The following GPR27 variants were observed in gnomAD, a reference collection of about 807,000 sequenced individuals.
GPR27 encodes G protein-coupled receptor 27.
GPR27 carries 3 observed loss-of-function variants against 2.4 expected under a neutral mutation model. The observed-to-expected ratio is 1.23, with a 90% CI of 0.56 to 3.18. The LOEUF (loss-of-function observed/expected upper bound fraction) is 3.18, where lower values mean the gene tolerates loss of function less well. GPR27 is among the 30% of genes most tolerant of loss of function. The pLI, the probability that GPR27 is intolerant of heterozygous loss-of-function variation, is 0.03. For synonymous variants in GPR27, 367 were observed against 296.4 expected (o/e 1.24, Z -2.45); for missense variants, 526 against 566.1 (o/e 0.93, Z 0.72).
In GPR27 at chr3:71,755,276, C is replaced by A. The variant is rs1005601724; in HGVS notation, c.*99C>A. The A allele has an allele frequency of 7.8e-6, 8 of 1,024,266 alleles. No homozygotes were observed. The Admixed American group carries it at 1.8e-4, about 24-fold the overall frequency. 63.4% of individuals were successfully genotyped at this position (1,024,266 alleles called of 1,614,324 possible). A position where few individuals can be genotyped will look rare whatever the true frequency, so the allele number is the denominator to read the frequency against. The stretch of plus-strand genomic sequence containing the variant: ...TCTGGCCCCTGTTTAATTTTCTAAG[C>A]TGCCTTCAAAATGACTCGAAGTGGA... On this transcript the variant is annotated 3_prime_UTR_variant, in exon 1 of 1. Transcript: ENST00000304411.
chr3:71,754,745 G>C lies in GPR27; in HGVS notation c.696G>C (p.Pro232=). 2.2e-6 allele frequency: 3 copies of C among 1,385,552 alleles called. No individual in the cohort carries two copies. The highest frequency in any genetic ancestry group is 2.8e-6 in the Non-Finnish European group (3 of 1,062,522). 85.8% of individuals were successfully genotyped at this position (1,385,552 alleles called of 1,614,324 possible). The change falls in exon 1 of 1, where the codon CCG becomes CCC. Residue 232 remains proline (P), a synonymous_variant. Transcript: ENST00000304411. This position sits in a 1 kb window ranked among gnomAD's most constrained non-coding sequence, Gnocchi z 5.8. ...AVSHDWTFHG[P]GATGQAAANW... The stretch of plus-strand genomic sequence containing the variant: ...GCCACGACTGGACCTTCCACGGCCC[G>C]GGCGCCACCGGCCAGGCGGCCGCCA...
rs760830519 is a variant in GPR27 at position 71,755,389 on chromosome 3, T to G, written c.*212T>G. The G allele has an allele frequency of 1.8e-5, 10 of 562,780 alleles. No homozygotes were observed. The highest frequency in any genetic ancestry group is 3.1e-5 in the Non-Finnish European group (10 of 318,002). 34.9% of individuals were successfully genotyped at this position (562,780 alleles called of 1,614,324 possible). On this transcript the variant is annotated 3_prime_UTR_variant, in exon 1 of 1. Transcript: ENST00000304411. ...CCACTCCAGCTCCGCACATTCGTCC[T>G]CCTAACTCGACTTTCTTCCTGACAA...
At position 71,754,485 on chromosome 3, in the gene GPR27, G is replaced by GCC; in HGVS notation, c.437_438dup (p.Ala147ProfsTer175). On this transcript the variant is annotated frameshift_variant, in exon 1 of 1. Coordinates refer to ENST00000304411, the MANE Select transcript of GPR27 (RefSeq NM_018971.3). LOFTEE classifies it low-confidence loss of function (END_TRUNC). The surrounding 1 kb of genome is among the most constrained non-coding windows in gnomAD (Gnocchi z 5.8). ...GCCGTGCGCCGCCATGCTGGTGTGC[G>GCC]CCGCCTGGGCGCTGGCGCTGGCCGC... is the stretch of plus-strand genomic sequence containing the variant. 7.7e-7 allele frequency: 1 copy of GCC among 1,297,704 alleles called. No individual in the cohort carries two copies. Among genetic ancestry groups the GCC allele is most frequent in the Non-Finnish European group, 9.8e-7 (1 of 1,022,496 alleles). The allele number at this position is 1,297,704 out of a possible 1,614,324, so 80.4% of individuals were successfully genotyped here.
Position 71,754,187 on chromosome 3 carries a change from G to C in GPR27, c.138G>C (p.Glu46Asp). Residue 46 changes from glutamate (E) to aspartate (D), a missense_variant, in exon 1 of 1, where the codon GAG becomes GAC. Glu to Asp is a conservative substitution (Grantham distance 45, BLOSUM62 2). This residue lies in a region of GPR27 where 312 missense variants were observed against 318.4 expected (regional missense o/e 0.98). Coordinates refer to ENST00000304411, the MANE Select transcript of GPR27 (RefSeq NM_018971.3). This position sits in a 1 kb window ranked among gnomAD's most constrained non-coding sequence, Gnocchi z 5.8. ...TGTTCGCGCTGCTGATCGTGCGGGA[G>C]CGCAGCCTGCACCGCGCCCCGTACT... is the stretch of plus-strand genomic sequence containing the variant. ...NVLFALLIVR[E>D]RSLHRAPYYL... The C allele has an allele frequency of 2.8e-6, 4 of 1,435,552 alleles. No individual in the cohort carries two copies. Among genetic ancestry groups the C allele is most frequent in the Admixed American group, 2.1e-5 (1 of 48,646 alleles). The allele number at this position is 1,435,552 out of a possible 1,614,324, so 88.9% of individuals were successfully genotyped here.
rs1232104050 is a variant in GPR27, at chr3:71,754,851, C to T, written c.802C>T (p.Arg268Cys). The T allele has an allele frequency of 1.3e-6, 2 of 1,594,874 alleles. No homozygotes were observed. Among genetic ancestry groups the T allele is most frequent in the Non-Finnish European group, 1.7e-6 (2 of 1,171,094 alleles). The change falls in exon 1 of 1, where the codon CGC becomes TGC. Residue 268 changes from arginine (R) to cysteine (C), a missense_variant. Transcript: ENST00000304411. This position sits in a 1 kb window ranked among gnomAD's most constrained non-coding sequence, Gnocchi z 5.8. ...GCCCGCAGGGCCGGGCCGCGGCGCGCGCCGCCTCCTCGTGCTGGAAGAATT... is the reference window on the plus strand; with the variant it reads ...GCCCGCAGGGCCGGGCCGCGGCGCGTGCCGCCTCCTCGTGCTGGAAGAATT... ...IRPAGPGRGA[R>C]RLLVLEEFKT...
rs1474737054 is a variant in GPR27 at position 71,754,499 on chromosome 3, G to A, written c.450G>A (p.Leu150=). Residue 150 remains leucine, a synonymous_variant, in exon 1 of 1, where the codon CTG becomes CTA. Transcript: ENST00000304411. The surrounding 1 kb of genome is among the most constrained non-coding windows in gnomAD (Gnocchi z 5.8). The stretch of plus-strand genomic sequence containing the variant: ...TGCTGGTGTGCGCCGCCTGGGCGCT[G>A]GCGCTGGCCGCGGCCTTCCCGCCAG... ...AAMLVCAAWA[L]ALAAAFPPVL... 1 of 1,287,494 alleles carries A rather than the reference G, an allele frequency of 7.8e-7. No individual in the cohort carries two copies. Among genetic ancestry groups the A allele is most frequent in the East Asian group, 3.3e-5 (1 of 30,232 alleles). 79.8% of individuals were successfully genotyped at this position (1,287,494 alleles called of 1,614,324 possible).
rs2049991886 is a variant in GPR27, at chr3:71,755,330, G to A, written c.*153G>A. ...ACACTTGGATTGTACTGACTCCTTT[G>A]GGGGTGGGGTGGGTGAGGAGTAGGA... On this transcript the variant is annotated 3_prime_UTR_variant, in exon 1 of 1. Coordinates refer to ENST00000304411, the MANE Select transcript of GPR27 (RefSeq NM_018971.3). The A allele has an allele frequency of 8.8e-6, 6 of 680,374 alleles. No individual in the cohort carries two copies. The highest frequency in any genetic ancestry group is 9.7e-6 in the Non-Finnish European group (4 of 411,006). The allele number at this position is 680,374 out of a possible 1,614,324, so 42.1% of individuals were successfully genotyped here.
Position 71,754,197 on chromosome 3 carries a change from C to T in GPR27, c.148C>T (p.His50Tyr). The T allele has an allele frequency of 1.4e-6, 2 of 1,415,474 alleles. No homozygotes were observed. Among genetic ancestry groups the T allele is most frequent in the Non-Finnish European group, 1.9e-6 (2 of 1,069,862 alleles). The allele number at this position is 1,415,474 out of a possible 1,614,324, so 87.7% of individuals were successfully genotyped here. A position where few individuals can be genotyped will look rare whatever the true frequency, so the allele number is the denominator to read the frequency against. ...ALLIVRERSLHRAPYYLLLDL... is the reference protein window; with the variant it reads ...ALLIVRERSLYRAPYYLLLDL... ...GCTGATCGTGCGGGAGCGCAGCCTG[C>T]ACCGCGCCCCGTACTACCTGCTGCT... is the stretch of plus-strand genomic sequence containing the variant. The change falls in exon 1 of 1, where the codon CAC becomes TAC. Residue 50 changes from histidine (H) to tyrosine (Y), a missense_variant. His to Tyr is a moderately conservative substitution (Grantham distance 83, BLOSUM62 2). Around this residue, in one of 3 missense-constraint regions of GPR27, gnomAD observed 312 missense variants for 318.4 expected, o/e 0.98. Coordinates refer to ENST00000304411, the MANE Select transcript of GPR27 (RefSeq NM_018971.3). This position sits in a 1 kb window ranked among gnomAD's most constrained non-coding sequence, Gnocchi z 5.8.
chr3:71,755,145 C>G lies in GPR27; in HGVS notation c.1096C>G (p.His366Asp), dbSNP rs566166937. The change falls in exon 1 of 1, where the codon CAT becomes GAT. Residue 366 changes from histidine (H) to aspartate (D), a missense_variant. Transcript: ENST00000304411. ...GAGCCCCCGGACCACCCAGGCGACC[C>G]ATCCCTGCGACCTGAAAGGCATTGG... Reference protein sequence around the residue: ...CQSPRTTQATHPCDLKGIGL With the variant: ...CQSPRTTQATDPCDLKGIGL 3 of 1,607,420 alleles carry G rather than the reference C, an allele frequency of 1.9e-6. No homozygotes were observed. In the East Asian group the frequency reaches 6.7e-5, roughly 36 times the overall value.
rs1436745663 is a variant in GPR27, at chr3:71,756,363, A to G, written c.*1186A>G. 6.6e-6 allele frequency: 1 copy of G among 152,260 alleles called. No homozygotes were observed. The highest frequency in any genetic ancestry group is 1.5e-5 in the Non-Finnish European group (1 of 68,044). The allele number at this position is 152,260 out of a possible 1,614,324, so 9.4% of individuals were successfully genotyped here. A position where few individuals can be genotyped will look rare whatever the true frequency, so the allele number is the denominator to read the frequency against. On this transcript the variant is annotated 3_prime_UTR_variant, in exon 1 of 1. Coordinates refer to ENST00000304411, the MANE Select transcript of GPR27 (RefSeq NM_018971.3). ...AGACATTATAATGTTAAACTGAAAG[A>G]CTAAATTCTGCAAGTACTATATAAT...
At position 71,755,862 on chromosome 3, in the gene GPR27, T is replaced by C. The variant is rs941598215; in HGVS notation, c.*685T>C. ...TGGTTCCCGGTTTACTTTCTGCTGC[T>C]AAAAACCACGTCAGTGACAACTGCT... On this transcript the variant is annotated 3_prime_UTR_variant, in exon 1 of 1. Transcript: ENST00000304411. 6.6e-6 allele frequency: 1 copy of C among 152,226 alleles called. No homozygotes were observed. The highest frequency in any genetic ancestry group is 1.5e-5 in the Non-Finnish European group (1 of 68,040). 9.4% of individuals were successfully genotyped at this position (152,226 alleles called of 1,614,324 possible).
Position 71,754,555 on chromosome 3 carries a change from C to A in GPR27, c.506C>A (p.Ala169Glu). ...GACGGCGGTGGCGACGACGAGGACG[C>A]GCCGTGCGCCCTGGAGCAGCGGCCC... ...VLDGGGDDED[A>E]PCALEQRPDG... The change falls in exon 1 of 1, where the codon GCG (alanine) becomes GAG (glutamate). Residue 169 changes from alanine to glutamate, a missense_variant. Physicochemically the swap from Ala to Glu is moderately radical, Grantham distance 107. Around this residue, in one of 3 missense-constraint regions of GPR27, gnomAD observed 312 missense variants for 318.4 expected, o/e 0.98. Coordinates refer to ENST00000304411, the MANE Select transcript of GPR27 (RefSeq NM_018971.3). The surrounding 1 kb of genome is among the most constrained non-coding windows in gnomAD (Gnocchi z 5.8). 7.3e-7 allele frequency: 1 copy of A among 1,368,172 alleles called. No homozygotes were observed. The highest frequency in any genetic ancestry group is 1.6e-5 in the South Asian group (1 of 63,416). The allele number at this position is 1,368,172 out of a possible 1,614,324, so 84.8% of individuals were successfully genotyped here. A position where few individuals can be genotyped will look rare whatever the true frequency, so the allele number is the denominator to read the frequency against.
Position 71,754,923 on chromosome 3 carries a change from C to T in GPR27, c.874C>T (p.Leu292Phe), listed in dbSNP as rs374163561. 2 of 1,613,584 alleles carry T rather than the reference C, an allele frequency of 1.2e-6. No homozygotes were observed. The highest frequency in any genetic ancestry group is 1.7e-6 in the Non-Finnish European group (2 of 1,179,816). Residue 292 changes from leucine to phenylalanine, a missense_variant, in exon 1 of 1, where the codon CTC becomes TTC. Coordinates refer to ENST00000304411, the MANE Select transcript of GPR27 (RefSeq NM_018971.3). The surrounding 1 kb of genome is among the most constrained non-coding windows in gnomAD (Gnocchi z 5.8). The part of the protein sequence containing the change: ...LCKMFYAVTL[L>F]FLLLWGPYVV... ...CAAGATGTTCTACGCCGTCACGCTGCTCTTCCTGCTCCTCTGGGGGCCCTA... is the reference window on the plus strand; with the variant it reads ...CAAGATGTTCTACGCCGTCACGCTGTTCTTCCTGCTCCTCTGGGGGCCCTA...
At position 71,756,047 on chromosome 3, in the gene GPR27, A is replaced by G. The variant is rs1374707975; in HGVS notation, c.*870A>G. ...GAGGATTGGGAGGGCTCTGAGAAGCAGAGTACTACATCAAAATTGTTTTAA... is the reference window on the plus strand; with the variant it reads ...GAGGATTGGGAGGGCTCTGAGAAGCGGAGTACTACATCAAAATTGTTTTAA... On this transcript the variant is annotated 3_prime_UTR_variant, in exon 1 of 1. Coordinates refer to ENST00000304411, the MANE Select transcript of GPR27 (RefSeq NM_018971.3). 1 of 152,246 alleles carries G rather than the reference A, an allele frequency of 6.6e-6. No individual in the cohort carries two copies. The highest frequency in any genetic ancestry group is 2.4e-5 in the African/African-American group (1 of 41,458). The allele number at this position is 152,246 out of a possible 1,614,324, so 9.4% of individuals were successfully genotyped here. A position where few individuals can be genotyped will look rare whatever the true frequency, so the allele number is the denominator to read the frequency against.
rs1177194794 is a variant in GPR27, at chr3:71,754,441, C to G, written c.392C>G (p.Ala131Gly). 1.5e-6 allele frequency: 2 copies of G among 1,348,618 alleles called. No homozygotes were observed. Among genetic ancestry groups the G allele is most frequent in the African/African-American group, 3.0e-5 (2 of 65,804 alleles). 83.5% of individuals were successfully genotyped at this position (1,348,618 alleles called of 1,614,324 possible). ...GCCATCGCGCACCACCGCTTCTATG[C>G]AGAGCGCCTGGCCGGCTGGCCGTGC... Reference protein sequence around the residue: ...YLAIAHHRFYAERLAGWPCAA... With the variant: ...YLAIAHHRFYGERLAGWPCAA... Residue 131 changes from alanine (A) to glycine (G), a missense_variant, in exon 1 of 1, where the codon GCA (alanine) becomes GGA (glycine). Physicochemically the swap from Ala to Gly is moderately conservative, Grantham distance 60. Around this residue, in one of 3 missense-constraint regions of GPR27, gnomAD observed 312 missense variants for 318.4 expected, o/e 0.98. Transcript: ENST00000304411. This position sits in a 1 kb window ranked among gnomAD's most constrained non-coding sequence, Gnocchi z 5.8.
Position 71,754,706 on chromosome 3 carries a change from G to C in GPR27, c.657G>C (p.Leu219=). 1 of 1,485,266 alleles carries C rather than the reference G, an allele frequency of 6.7e-7. No homozygotes were observed. The highest frequency in any genetic ancestry group is 8.9e-7 in the Non-Finnish European group (1 of 1,122,844). The allele number at this position is 1,485,266 out of a possible 1,614,324, so 92.0% of individuals were successfully genotyped here. The part of the protein sequence containing the change: ...HDRRKMRPAR[L]VPAVSHDWTF... ...GCCGCAAGATGCGGCCCGCGCGCCTGGTGCCCGCCGTCAGCCACGACTGGA... is the reference window on the plus strand; with the variant it reads ...GCCGCAAGATGCGGCCCGCGCGCCTCGTGCCCGCCGTCAGCCACGACTGGA... The change falls in exon 1 of 1, where the codon CTG becomes CTC. Residue 219 remains leucine (L), a synonymous_variant. Coordinates refer to ENST00000304411, the MANE Select transcript of GPR27 (RefSeq NM_018971.3). The surrounding 1 kb of genome is among the most constrained non-coding windows in gnomAD (Gnocchi z 5.8).
In GPR27 at chr3:71,754,762, C is replaced by A; in HGVS notation, c.713C>A (p.Ala238Glu). The stretch of plus-strand genomic sequence containing the variant: ...CACGGCCCGGGCGCCACCGGCCAGG[C>A]GGCCGCCAACTGGACGGCGGGCTTC... ...TFHGPGATGQ[A>E]AANWTAGFGR... Residue 238 changes from alanine (A) to glutamate (E), a missense_variant, in exon 1 of 1, where the codon GCG (alanine) becomes GAG (glutamate). Coordinates refer to ENST00000304411, the MANE Select transcript of GPR27 (RefSeq NM_018971.3). This position sits in a 1 kb window ranked among gnomAD's most constrained non-coding sequence, Gnocchi z 5.8. 1 of 1,331,594 alleles carries A rather than the reference C, an allele frequency of 7.5e-7. No individual in the cohort carries two copies. The highest frequency in any genetic ancestry group is 3.5e-5 in the East Asian group (1 of 28,874). The allele number at this position is 1,331,594 out of a possible 1,614,324, so 82.5% of individuals were successfully genotyped here.
At position 71,754,025 on chromosome 3, in the gene GPR27, G is replaced by T; in HGVS notation, c.-25G>T. ...CGAGGCAGGGGACGGCCCCGGGGCG[G>T]AGCGCACGGCCTGGTGAGGCCGCGA... On this transcript the variant is annotated 5_prime_UTR_variant, in exon 1 of 1. Coordinates refer to ENST00000304411, the MANE Select transcript of GPR27 (RefSeq NM_018971.3). The surrounding 1 kb of genome is among the most constrained non-coding windows in gnomAD (Gnocchi z 5.8). 17 of 1,147,706 alleles carry T rather than the reference G, an allele frequency of 1.5e-5. No homozygotes were observed. Among genetic ancestry groups the T allele is most frequent in the South Asian group, 3.0e-5 (1 of 33,100 alleles). The allele number at this position is 1,147,706 out of a possible 1,614,324, so 71.1% of individuals were successfully genotyped here. A position where few individuals can be genotyped will look rare whatever the true frequency, so the allele number is the denominator to read the frequency against.
Position 71,754,511 on chromosome 3 carries a change from G to A in GPR27, c.462G>A (p.Ala154=). 3.9e-6 allele frequency: 5 copies of A among 1,292,960 alleles called. No individual in the cohort carries two copies. The highest frequency in any genetic ancestry group is 3.9e-6 in the Non-Finnish European group (4 of 1,022,198). The allele number at this position is 1,292,960 out of a possible 1,614,324, so 80.1% of individuals were successfully genotyped here. ...CCGCCTGGGCGCTGGCGCTGGCCGC[G>A]GCCTTCCCGCCAGTGCTGGACGGCG... is the stretch of plus-strand genomic sequence containing the variant. The part of the protein sequence containing the change: ...VCAAWALALA[A]AFPPVLDGGG... Residue 154 remains alanine, a synonymous_variant, in exon 1 of 1, where the codon GCG becomes GCA. Transcript: ENST00000304411. This position sits in a 1 kb window ranked among gnomAD's most constrained non-coding sequence, Gnocchi z 5.8.
Sources: allele counts gnomAD v4.1 joint callset, GRCh38; gene constraint gnomAD v4.1.1; regional missense constraint gnomAD v4.1.1; non-coding constraint Gnocchi (gnomAD v3.1); transcripts MANE v1.5; gene names NCBI Gene and HGNC (gene_info 2026-07-23, HGNC 2026-07-21).